Variants in TMEM209 observed in about 807,000 individuals in gnomAD.
TMEM209 encodes the protein transmembrane protein 209, also known as testicular tissue protein Li 202.
TMEM209 carries 65 observed loss-of-function variants against 76.2 expected under a neutral mutation model. The observed-to-expected ratio is 0.85, with a 90% confidence interval of 0.70 to 1.05. The LOEUF (loss-of-function observed/expected upper bound fraction) is 1.05. Ranked by LOEUF, TMEM209 falls within the 50% of genes least tolerant of loss-of-function variation. TMEM209 has a pLI of 0.00. For synonymous variants in TMEM209, 239 were observed against 237.6 expected, an observed-to-expected ratio of 1.01 and a Z score of -0.06; for missense variants, 623 against 685.5, an observed-to-expected ratio of 0.91 and a Z score of 1.02.
chr7:130,191,757 A>T (rs1797803558), intron 6 of TMEM209, among the ~76,000 whole-genome samples: 1 of 152,236 alleles, frequency 6.6e-6, no homozygotes, highest in Admixed American at 6.5e-5. Context: ...GTCAGAAAAT[A>T]TCTGGGTATT....
rs2116959266 is a variant in TMEM209, at chr7:130,164,855, T to C, written c.*1596A>G. The C allele has an allele frequency of 6.6e-6, 1 of 152,332 alleles. No individual in the cohort carries two copies. Among genetic ancestry groups the C allele is most frequent in the South Asian group, 2.1e-4 (1 of 4,834 alleles). The allele number at this position is 152,332 out of a possible 1,614,324, so 9.4% of individuals were successfully genotyped here. A position where few individuals can be genotyped will look rare whatever the true frequency, so the allele number is the denominator to read the frequency against. ...TTTTAACATGTTCTTATATTTAACA[T>C]GTTTGATATTTTCTTCTAGAATATC... On this transcript the variant is annotated 3_prime_UTR_variant, in exon 15 of 15. Transcript: ENST00000397622.
At chr7:130,180,718 A>T (rs1797384002) in intron 9 of TMEM209, among the ~76,000 whole-genome samples, 1 of 152,210 alleles carries the variant, frequency 6.6e-6, no homozygotes, top group African/African-American at 2.4e-5. Flanking sequence ...AACACATGAG[A>T]TGTTCAACAT....
intron 6 of TMEM209, among the ~76,000 whole-genome samples, chr7:130,189,011 T>C (rs1010989836): frequency 6.6e-6 from 1 of 151,776 alleles, no homozygotes; most frequent in African/African-American, 2.4e-5. Context: ...ACCCACACTA[T>C]CCAAATGGTT....
At chr7:130,170,829 G>GA (rs1797044681) in intron 13 of TMEM209, among the ~76,000 whole-genome samples, 1 of 150,308 alleles carries the variant, frequency 6.7e-6, no homozygotes, top group Non-Finnish European at 1.5e-5. Context: ...CTGAGGGAAA[G>GA]ATTTTTTTTT....
intron 6 of TMEM209, among the ~76,000 whole-genome samples, chr7:130,188,813 G>A (rs941066604): frequency 2.6e-5 from 4 of 152,004 alleles, no homozygotes; most frequent in South Asian, 2.1e-4. Context: ...GCAGCATCAC[G>A]TATCTCCTGA....
chr7:130,202,789 G>GA lies in TMEM209; in HGVS notation c.200-127dup, dbSNP rs1798265631. ...TTCCTCATAAAAACTATAATTTAATGAATGTTATGTGTAGGGTGGCTGGGC... is the reference window on the plus strand; with the variant it reads ...TTCCTCATAAAAACTATAATTTAATGAAATGTTATGTGTAGGGTGGCTGGGC... On this transcript the variant is annotated intron_variant, in intron 3 of 14. Transcript: ENST00000397622. 85 of 1,140,522 alleles carry GA rather than the reference G, an allele frequency of 7.5e-5. No individual in the cohort carries two copies. The East Asian group carries it at 2.4e-3, about 32-fold the overall frequency. 70.7% of individuals were successfully genotyped at this position (1,140,522 alleles called of 1,614,324 possible).
intron 5 of TMEM209, among the ~76,000 whole-genome samples, chr7:130,198,468 G>A (rs1016407085): frequency 5.3e-5 from 8 of 152,108 alleles, no homozygotes; most frequent in Middle Eastern, 3.4e-3. Context: ...AAAATTAGCT[G>A]GGCATGCTGG....
At chr7:130,205,293 G>C in intron 1 of TMEM209, 80 bp downstream of exon 1, 1 of 1,613,184 alleles carries the variant, frequency 6.2e-7, no homozygotes, top group Non-Finnish European at 8.5e-7. Context: ...CTGAACCCAG[G>C]ACAGATCAGC....
intron 9 of TMEM209, 112 bp from the exon 10 acceptor site, chr7:130,178,639 C>CT (rs1797317816): frequency 2.4e-6 from 3 of 1,267,328 alleles, no homozygotes; most frequent in Non-Finnish European, 3.3e-6. Flanking sequence ...ACCTTCAGGT[C>CT]TTCATACAAG....
At chr7:130,195,499 T>C (rs1390873564) in intron 5 of TMEM209, among the ~76,000 whole-genome samples, 2 of 152,110 alleles carry the variant, frequency 1.3e-5, no homozygotes, top group East Asian at 3.8e-4. Flanking sequence ...AATATTAAAA[T>C]GGATGTTTTT....
At chr7:130,199,362 C>A (rs943002604) in intron 5 of TMEM209, among the ~76,000 whole-genome samples, 1 of 152,018 alleles carries the variant, frequency 6.6e-6, no homozygotes, top group Non-Finnish European at 1.5e-5. Context: ...CGACTACAGG[C>A]GCCCGCCACC....
At chr7:130,194,738 A>G (rs976890576) in intron 5 of TMEM209, among the ~76,000 whole-genome samples, 5 of 152,148 alleles carry the variant, frequency 3.3e-5, no homozygotes, top group East Asian at 1.9e-4. Flanking sequence ...GCATTTCCCT[A>G]TATTTATGAC....
chr7:130,187,915 C>T (rs2633387), intron 6 of TMEM209, among the ~76,000 whole-genome samples: 37,398 of 151,908 alleles, frequency 0.25, 5,344 homozygotes, highest in East Asian at 0.59. Flanking sequence ...CACAAGGAAA[C>T]AAGACTGCAG....
chr7:130,178,515 G>C lies in TMEM209; in HGVS notation c.1133C>G (p.Thr378Ser), dbSNP rs1203189079. The C allele has an allele frequency of 6.2e-7, 1 of 1,613,620 alleles. No individual in the cohort carries two copies. ...AACCAGGGCAGCTTGTTTCAAGCTA[G>C]TAATACTAGCCTCTGTTAACATAAA... ...PELQIGEASI[T>S]SLKQAALVKA... The change falls in exon 10 of 15, where the codon ACT becomes AGT. Residue 378 changes from threonine (T) to serine (S), a missense_variant. Transcript: ENST00000397622.
Position 130,203,985 on chromosome 7 carries a change from T to C in TMEM209, c.129A>G (p.Ile43Met), listed in dbSNP as rs1798321388. 2 of 1,613,574 alleles carry C rather than the reference T, an allele frequency of 1.2e-6. No individual in the cohort carries two copies. Among genetic ancestry groups the C allele is most frequent in the Non-Finnish European group, 8.5e-7 (1 of 1,179,758 alleles). Residue 43 changes from isoleucine to methionine, a missense_variant, in exon 2 of 15, where the codon ATA (isoleucine) becomes ATG (methionine). Transcript: ENST00000397622. ...GLLNVSMAGM[I>M]YTEMTGKLIS... is the part of the protein sequence containing the mutation. ...ACTGATTCACTTACATTTCAGTATA[T>C]ATCATTCCAGCCATAGATACATTTA... is the stretch of plus-strand genomic sequence containing the variant.
rs115298322 is a variant in TMEM209 at position 130,203,875 on chromosome 7, T to C, written c.141-29A>G. The C allele has an allele frequency of 2.5e-3, 4,024 of 1,594,282 alleles. 87 individuals carry two copies. The African/African-American group carries it at 0.049, about 19-fold the overall frequency. On this transcript the variant is annotated intron_variant, in intron 2 of 14. Transcript: ENST00000397622. Reference sequence around the variant, plus strand: ...AAAAAAAATTAGAAAGGCTTTCCAGTGAACCTAAAAACACCAAAAATCAAA... The same window carrying C: ...AAAAAAAATTAGAAAGGCTTTCCAGCGAACCTAAAAACACCAAAAATCAAA...
At chr7:130,204,232 T>C (rs572098479) in intron 1 of TMEM209, 122 bp from the exon 2 acceptor site, 211 of 1,139,962 alleles carry the variant, frequency 1.9e-4, no homozygotes, top group Non-Finnish European at 1.7e-5. Context: ...ATCTTTAAAA[T>C]GTTTTATCAA....
intron 9 of TMEM209, among the ~76,000 whole-genome samples, chr7:130,181,031 T>C (rs942429616): frequency 1.3e-5 from 2 of 152,370 alleles, no homozygotes; most frequent in South Asian, 2.1e-4. Flanking sequence ...GCAGCATTAT[T>C]CATAAGAGCC....
chr7:130,184,901 T>C (rs1458568083), intron 7 of TMEM209, among the ~76,000 whole-genome samples: 2 of 152,246 alleles, frequency 1.3e-5, no homozygotes, highest in Non-Finnish European at 2.9e-5. Flanking sequence ...GACTTCTGTA[T>C]GTGTTAAGTA....
Sources: gnomAD v4.1 joint callset for allele counts (sites outside exome capture counted in the v4.1 genomes callset) on GRCh38, gnomAD v4.1.1 for gene constraint, MANE v1.5 for transcripts, NCBI Gene and HGNC (gene_info 2026-07-23, HGNC 2026-07-21) for gene names.